CNOT6L: variants seen among roughly 807,000 people sequenced by gnomAD.
CNOT6L encodes CCR4-NOT transcription complex subunit 6-like.
In CNOT6L, 7 loss-of-function variants were observed where a neutral mutation model predicts 64.0. That is an observed-to-expected ratio of 0.11 (90% CI 0.06 to 0.21). CNOT6L has a LOEUF of 0.21. Ranked by LOEUF, CNOT6L falls within the 10% of genes least tolerant of loss-of-function variation. CNOT6L has a pLI of 1.00. For synonymous variants in CNOT6L, 193 were observed against 243.4 expected, an observed-to-expected ratio of 0.79 and a Z score of 1.93; for missense variants, 245 against 669.0, an observed-to-expected ratio of 0.37 and a Z score of 6.99.
At chr4:77,744,467 CG>C (rs1375631919) in intron 7 of CNOT6L, among the ~76,000 whole-genome samples, 1 of 151,436 alleles carries the variant, frequency 6.6e-6, no homozygotes, top group Non-Finnish European at 1.5e-5. Context: ...TTAACATGAA[CG>C]GGTAAGATTA....
chr4:77,787,780 C>G (rs867001178), intron 1 of CNOT6L, among the ~76,000 whole-genome samples: 5 of 152,290 alleles, frequency 3.3e-5, no homozygotes, highest in Middle Eastern at 6.8e-3. Context: ...AGTTATTTAC[C>G]TAACTTTATT....
At chr4:77,768,332 A>T (rs1727094859) in intron 4 of CNOT6L, among the ~76,000 whole-genome samples, 1 of 151,406 alleles carries the variant, frequency 6.6e-6, no homozygotes, top group Non-Finnish European at 1.5e-5. Context: ...AGGCATAGTG[A>T]TGCACGCCTG....
chr4:77,809,398 T>C (rs1732642727), intron 1 of CNOT6L, among the ~76,000 whole-genome samples: 1 of 152,204 alleles, frequency 6.6e-6, no homozygotes, highest in South Asian at 2.1e-4. Context: ...TACAATAGTC[T>C]ATAACAAATA....
intron 4 of CNOT6L, among the ~76,000 whole-genome samples, chr4:77,766,868 A>G (rs1042438294): frequency 6.6e-6 from 1 of 151,846 alleles, no homozygotes; most frequent in Non-Finnish European, 1.5e-5. Flanking sequence ...ATTTGAGACC[A>G]GCCTGGCTAA....
intron 1 of CNOT6L, among the ~76,000 whole-genome samples, chr4:77,811,780 C>A (rs1732971086): frequency 6.6e-6 from 1 of 151,946 alleles, no homozygotes; most frequent in African/African-American, 2.4e-5. Flanking sequence ...TGAACTTCCT[C>A]AACCTGATAA....
chr4:77,758,112 T>C (rs549141234), intron 4 of CNOT6L, among the ~76,000 whole-genome samples: 39 of 152,318 alleles, frequency 2.6e-4, no homozygotes, highest in African/African-American at 8.4e-4. Context: ...GGAAGTCTGG[T>C]TGGTAGTTTC....
intron 10 of CNOT6L, among the ~76,000 whole-genome samples, chr4:77,726,580 C>T (rs867249861): frequency 1.3e-5 from 2 of 152,162 alleles, no homozygotes; most frequent in South Asian, 4.1e-4. Context: ...AGGATGTTTG[C>T]CTATTTCAGA....
intron 5 of CNOT6L, among the ~76,000 whole-genome samples, chr4:77,751,207 GT>G (rs1396467274): frequency 3.3e-5 from 5 of 152,056 alleles, no homozygotes; most frequent in Admixed American, 2.6e-4. Flanking sequence ...TATTTTAAAA[GT>G]ATCAAATAGA....
At chr4:77,748,665 T>TA (rs1724479897) in intron 5 of CNOT6L, among the ~76,000 whole-genome samples, 1 of 152,214 alleles carries the variant, frequency 6.6e-6, no homozygotes, top group South Asian at 2.1e-4. Context: ...AAACCCTATG[T>TA]AAAATCTTAA....
rs1560412316 is a variant in CNOT6L at position 77,768,473 on chromosome 4, AAATATATATATAT to A, written c.400+4595_400+4607del. 5.0e-3 allele frequency among the ~76,000 whole-genome samples: 21 copies of A among 4,216 alleles called. 1 individual carries two copies. The highest frequency in any genetic ancestry group is 8.7e-3 in the African/African-American group (20 of 2,306). 2.8% of individuals were successfully genotyped at this position (4,216 alleles called of 152,430 possible). On this transcript the variant is annotated intron_variant, in intron 4 of 11. Transcript: ENST00000504123. ...GAGTGAGACTCTGTCTAAAATAAAT[AAATATATATATAT>A]ATATATATATATATATATATATATA...
intron 5 of CNOT6L, 128 bp from the exon 6 acceptor site, chr4:77,748,512 C>A: frequency 3.0e-6 from 2 of 660,722 alleles, no homozygotes; most frequent in South Asian, 1.8e-5. Context: ...TAATCTAATG[C>A]TGAAATTTAA....
chr4:77,795,044 A>G (rs1730669287), intron 1 of CNOT6L, among the ~76,000 whole-genome samples: 1 of 140,760 alleles, frequency 7.1e-6, no homozygotes, highest in South Asian at 2.2e-4. Flanking sequence ...TTTTTGAGAC[A>G]CTTTCCCTCT....
intron 5 of CNOT6L, among the ~76,000 whole-genome samples, chr4:77,750,099 C>T (rs935500146): frequency 1.3e-5 from 2 of 151,928 alleles, no homozygotes; most frequent in African/African-American, 4.8e-5. Context: ...AATAGAATAA[C>T]AAAATGTGAT....
At chr4:77,752,733 TTATACATAAATA>T (rs1482080808) in intron 5 of CNOT6L, among the ~76,000 whole-genome samples, 11 of 151,638 alleles carry the variant, frequency 7.3e-5, no homozygotes, top group South Asian at 4.2e-4. Flanking sequence ...AGAGAAATAT[TTATACATAAATA>T]TATACATAAA....
At chr4:77,791,231 G>A (rs778889462) in intron 1 of CNOT6L, among the ~76,000 whole-genome samples, 1 of 152,066 alleles carries the variant, frequency 6.6e-6, no homozygotes, top group African/African-American at 2.4e-5. Context: ...CGCCAAGATC[G>A]CGCCACTGCA....
chr4:77,741,513 T>C (rs1290679882), intron 8 of CNOT6L, among the ~76,000 whole-genome samples: 2 of 152,208 alleles, frequency 1.3e-5, no homozygotes, highest in Admixed American at 1.3e-4. Flanking sequence ...CTTTTAACTC[T>C]CTACCTCCAT....
rs1729739563 is a variant in CNOT6L, at chr4:77,788,659, C to G, written c.6-12267G>C. ...AAAAGAATTGCTTGAACCTGGGAGG[C>G]AGACGCTGCAGTGAGCCAAGATTAT... On this transcript the variant is annotated intron_variant, in intron 1 of 11. Coordinates refer to ENST00000504123, the MANE Select transcript of CNOT6L (RefSeq NM_144571.3). Among the ~76,000 whole-genome samples the G allele has an allele frequency of 3.3e-5, 5 of 152,192 alleles. No individual in the cohort carries two copies. In the South Asian group the frequency reaches 1.0e-3, roughly 32 times the overall value.
chr4:77,783,431 AT>A (rs1316596163), intron 1 of CNOT6L, among the ~76,000 whole-genome samples: 3 of 152,252 alleles, frequency 2.0e-5, no homozygotes, highest in Non-Finnish European at 4.4e-5. Context: ...TTGCTTTTCA[AT>A]AATTCTGCAA....
chr4:77,743,586 C>CTTT (rs142888128), intron 7 of CNOT6L, among the ~76,000 whole-genome samples: 726 of 70,854 alleles, frequency 0.01, 75 homozygotes, highest in African/African-American at 0.016. Context: ...TAACACACAA[C>CTTT]TTTTTTTTTT....
Sources: gnomAD v4.1 joint callset for allele counts (sites outside exome capture counted in the v4.1 genomes callset) on GRCh38, gnomAD v4.1.1 for gene constraint, MANE v1.5 for transcripts, NCBI Gene and HGNC (gene_info 2026-07-23, HGNC 2026-07-21) for gene names.